The following ZMYND11 variants were observed in gnomAD, a reference collection of about 807,000 sequenced individuals.
The protein encoded by ZMYND11 is zinc finger MYND-type containing 11.
A neutral mutation model predicts 84.9 loss-of-function variants in ZMYND11; 9 were observed. That is an observed-to-expected ratio of 0.11 (90% confidence interval 0.06 to 0.18). ZMYND11 has a LOEUF of 0.18. Ranked by LOEUF, ZMYND11 falls within the 10% of genes least tolerant of loss-of-function variation. The probability of loss-of-function intolerance (pLI) is 1.00; values close to 1 mark genes in which losing one functional copy is unlikely to be tolerated. For synonymous variants in ZMYND11, 250 were observed against 244.1 expected (o/e 1.02, Z -0.23); for missense variants, 409 against 761.0 (o/e 0.54, Z 5.44).
At position 185,639 on chromosome 10, in the gene ZMYND11, C is replaced by A. The variant is rs575724326; in HGVS notation, c.116+5511C>A. Among the ~76,000 whole-genome samples, 21 of 151,134 alleles carry A rather than the reference C, an allele frequency of 1.4e-4. 1 individual carries two copies. The South Asian group carries it at 4.4e-3, about 32-fold the overall frequency. On this transcript the variant is annotated intron_variant, in intron 2 of 14. Coordinates refer to ENST00000381604, the MANE Select transcript of ZMYND11 (RefSeq NM_001370100.5). ...GACCAGCCTTGCCAACATAGTGAAA[C>A]CCTGTCTCTACTAAAAATACAAAAA...
Position 138,111 on chromosome 10 carries a change from T to G in ZMYND11, c.-20+2552T>G, listed in dbSNP as rs1239619616. On this transcript the variant is annotated intron_variant, in intron 1 of 14. Coordinates refer to ENST00000381604, the MANE Select transcript of ZMYND11 (RefSeq NM_001370100.5). The stretch of plus-strand genomic sequence containing the variant: ...CATACTGAATACCATTCTGTTGGCG[T>G]TTTTTTTTTTTTTTTTGAGATGGAG... Among the ~76,000 whole-genome samples, 365 of 129,592 alleles carry G rather than the reference T, an allele frequency of 2.8e-3. 2 individuals are homozygous for G. The highest frequency in any genetic ancestry group is 0.012 in the African/African-American group (348 of 30,104). 85.0% of individuals were successfully genotyped at this position (129,592 alleles called of 152,430 possible). A position where few individuals can be genotyped will look rare whatever the true frequency, so the allele number is the denominator to read the frequency against.
chr10:240,374 T>C (rs549691635), intron 8 of ZMYND11, among the ~76,000 whole-genome samples: 1 of 152,016 alleles, frequency 6.6e-6, no homozygotes, highest in Non-Finnish European at 1.5e-5. Flanking sequence ...TGTGGTGGTG[T>C]ACGCCTGTAG....
intron 3 of ZMYND11, among the ~76,000 whole-genome samples, chr10:216,603 CA>C (rs1311880819): frequency 1.3e-5 from 2 of 152,094 alleles, no homozygotes; most frequent in Non-Finnish European, 1.5e-5. Context: ...ATCTTAGTTA[CA>C]AAAACACAAT....
At chr10:241,901 G>A (rs1339374392) in intron 9 of ZMYND11, 120 bp from the exon 10 acceptor site, 7 of 1,252,668 alleles carry the variant, frequency 5.6e-6, no homozygotes, top group South Asian at 1.5e-5. Flanking sequence ...TATGTGTTTA[G>A]GAGTTATGAA....
At chr10:229,590 A>G (rs1948663639) in intron 4 of ZMYND11, among the ~76,000 whole-genome samples, 1 of 152,224 alleles carries the variant, frequency 6.6e-6, no homozygotes, top group Admixed American at 6.5e-5. Context: ...TCTACCATTA[A>G]TACTAGCAAT....
At chr10:131,203 T>C (rs1425682777), upstream of ZMYND11, among the ~76,000 whole-genome samples, 1 of 152,196 alleles carries the variant, frequency 6.6e-6, no homozygotes, top group African/African-American at 2.4e-5. Flanking sequence ...CACAAACATC[T>C]GTTTTTCATC....
At chr10:181,615 C>G (rs1271655039) in intron 2 of ZMYND11, among the ~76,000 whole-genome samples, 1 of 152,042 alleles carries the variant, frequency 6.6e-6, no homozygotes, top group African/African-American at 2.4e-5. Flanking sequence ...AGACCCCTGT[C>G]TCACAACAAA....
At chr10:201,916 T>G (rs1000083422) in intron 2 of ZMYND11, among the ~76,000 whole-genome samples, 3 of 152,228 alleles carry the variant, frequency 2.0e-5, no homozygotes, top group African/African-American at 7.2e-5. Context: ...GAAGGCCACT[T>G]ATCAGTGTAT....
At position 242,128 on chromosome 10, in the gene ZMYND11, C is replaced by T. The variant is rs1188642505; in HGVS notation, c.939C>T (p.His313=). The change falls in exon 10 of 15, where the codon CAC becomes CAT. Residue 313 remains histidine (H), a synonymous_variant. Coordinates refer to ENST00000381604, the MANE Select transcript of ZMYND11 (RefSeq NM_001370100.5). ...AAGTCGACGTTCGCTTCTTTGGCCA[C>T]CACCACCAGAGGTAATTTGTGATCC... ...DNQVDVRFFG[H]HHQRAWIPSE... is the part of the protein sequence containing the mutation. 1.4e-5 allele frequency: 22 copies of T among 1,614,028 alleles called. No homozygotes were observed. Among genetic ancestry groups the T allele is most frequent in the Non-Finnish European group, 1.8e-5 (21 of 1,179,976 alleles).
chr10:218,762 G>A (rs1016289375), intron 3 of ZMYND11, among the ~76,000 whole-genome samples: 8 of 152,182 alleles, frequency 5.3e-5, no homozygotes, highest in African/African-American at 1.9e-4. Context: ...GGGAACCAGT[G>A]AAAATGCAAA....
At chr10:130,938 C>G (rs781985437), upstream of ZMYND11, among the ~76,000 whole-genome samples, 1 of 151,872 alleles carries the variant, frequency 6.6e-6, no homozygotes, top group African/African-American at 2.4e-5. Context: ...AGCAACATGG[C>G]GAAACCCCAT....
chr10:175,220 T>C (rs1554766681), intron 1 of ZMYND11, among the ~76,000 whole-genome samples: 1 of 152,186 alleles, frequency 6.6e-6, no homozygotes, highest in Non-Finnish European at 1.5e-5. Context: ...AGGGAGTATG[T>C]GGGAGCTCTG....
At chr10:210,102 A>G (rs1253948188) in intron 3 of ZMYND11, 54 bp downstream of exon 3, 41 of 1,566,068 alleles carry the variant, frequency 2.6e-5, no homozygotes, top group Non-Finnish European at 3.5e-5. Flanking sequence ...GCTTTTAAAC[A>G]TTATTTAGAT....
intron 1 of ZMYND11, among the ~76,000 whole-genome samples, chr10:147,170 T>G (rs1839086537): frequency 6.6e-6 from 1 of 152,242 alleles, no homozygotes; most frequent in Non-Finnish European, 1.5e-5. Context: ...TAGGGTTTTC[T>G]AGGTATATGA....
rs1468917686 is a variant in ZMYND11 at position 240,046 on chromosome 10, T to C, written c.698-10T>C. 6.2e-7 allele frequency: 1 copy of C among 1,608,406 alleles called. No homozygotes were observed. The highest frequency in any genetic ancestry group is 1.7e-4 in the Middle Eastern group (1 of 6,008). ...TATTGCTTATAGGTAATATCTATTT[T>C]TAATTACAGCAGACAGTGAGCAAGC... On this transcript the variant is annotated splice_polypyrimidine_tract_variant and intron_variant, in intron 7 of 14. Coordinates refer to ENST00000381604, the MANE Select transcript of ZMYND11 (RefSeq NM_001370100.5).
intron 4 of ZMYND11, among the ~76,000 whole-genome samples, chr10:227,902 G>A (rs1589109137): frequency 6.6e-6 from 1 of 152,094 alleles, no homozygotes; most frequent in African/African-American, 2.4e-5. Context: ...AGTAGAGATT[G>A]AAGCCATTAT....
At chr10:179,962 T>C (rs1386683542) in intron 1 of ZMYND11, 32 bp from the exon 2 acceptor site, 5 of 1,364,724 alleles carry the variant, frequency 3.7e-6, no homozygotes, top group Admixed American at 1.8e-5. Flanking sequence ...GTAATCTGTT[T>C]TTTTCCCTTA....
At chr10:160,572 A>G (rs546395112) in intron 1 of ZMYND11, among the ~76,000 whole-genome samples, 3 of 152,300 alleles carry the variant, frequency 2.0e-5, no homozygotes, top group African/African-American at 4.8e-5. Flanking sequence ...CATTTTACCC[A>G]TAGTGGAACC....
chr10:186,597 G>A, intron 2 of ZMYND11, among the ~76,000 whole-genome samples: 1 of 135,802 alleles, frequency 7.4e-6, no homozygotes, highest in Non-Finnish European at 1.5e-5. Flanking sequence ...GCTGAGCTGA[G>A]ATCGGGCCAC....
Sources: gnomAD v4.1 joint callset for allele counts (sites outside exome capture counted in the v4.1 genomes callset) on GRCh38, gnomAD v4.1.1 for gene constraint, MANE v1.5 for transcripts, NCBI Gene and HGNC (gene_info 2026-07-23, HGNC 2026-07-21) for gene names.